Variants in MRPS16 observed in about 807,000 individuals in gnomAD.
The protein encoded by MRPS16 is mitochondrial ribosomal protein S16.
In MRPS16, 5 loss-of-function variants were observed where a neutral mutation model predicts 11.0. The ratio of observed to expected loss-of-function variants is 0.46; its 90% CI spans 0.24 to 0.96. The LOEUF (loss-of-function observed/expected upper bound fraction) is 0.96. MRPS16 is among the 40% of genes least tolerant of loss of function. The pLI is 0.20. For missense variants in MRPS16, 179 were observed against 174.4 expected, an observed-to-expected ratio of 1.03 and a Z score of -0.15; for synonymous variants, 76 against 65.0, an observed-to-expected ratio of 1.17 and a Z score of -0.81.
rs2044067562 is a variant in MRPS16 at position 73,250,145 on chromosome 10, A to C, written c.*707T>G. 6.6e-6 allele frequency: 1 copy of C among 152,260 alleles called. No individual in the cohort carries two copies. Among genetic ancestry groups the C allele is most frequent in the Non-Finnish European group, 1.5e-5 (1 of 68,330 alleles). The allele number at this position is 152,260 out of a possible 1,614,324, so 9.4% of individuals were successfully genotyped here. ...TGAAGCAGGAGAATGGCATGAACCCAGGAGACAGAGCTTGCAGTGAGCCGA... is the reference window on the plus strand; with the variant it reads ...TGAAGCAGGAGAATGGCATGAACCCCGGAGACAGAGCTTGCAGTGAGCCGA... On this transcript the variant is annotated 3_prime_UTR_variant, in exon 3 of 3. Transcript: ENST00000372945.
chr10:73,251,905 A>G lies in MRPS16; in HGVS notation c.132T>C (p.Asp44=), dbSNP rs767611689. Residue 44 remains aspartate, a synonymous_variant, in exon 2 of 3, where the codon GAT becomes GAC. Transcript: ENST00000372945. ...AGCCCAGCTGCTCTACGAAACGGCCATCCCTGGGACACTTGTTGTGAGCAG... is the reference window on the plus strand; with the variant it reads ...AGCCCAGCTGCTCTACGAAACGGCCGTCCCTGGGACACTTGTTGTGAGCAG... The part of the protein sequence containing the change: ...IVAAHNKCPR[D]GRFVEQLGSY... 5.0e-6 allele frequency: 8 copies of G among 1,614,214 alleles called. No individual in the cohort carries two copies. Among genetic ancestry groups the G allele is most frequent in the Non-Finnish European group, 5.9e-6 (7 of 1,180,042 alleles).
At chr10:73,252,049 AC>A in intron 1 of MRPS16, 26 bp from the exon 2 acceptor site, 1 of 1,606,922 alleles carries the variant, frequency 6.2e-7, no homozygotes, top group South Asian at 1.1e-5. Flanking sequence ...TGGTTAGGAC[AC>A]AAAAAACAGC....
In MRPS16 at chr10:73,250,491, A is replaced by C. The variant is rs2044074119; in HGVS notation, c.*361T>G. The C allele has an allele frequency of 3.3e-6, 1 of 307,576 alleles. No homozygotes were observed. The highest frequency in any genetic ancestry group is 6.2e-6 in the Non-Finnish European group (1 of 160,264). 19.1% of individuals were successfully genotyped at this position (307,576 alleles called of 1,614,324 possible). On this transcript the variant is annotated 3_prime_UTR_variant, in exon 3 of 3. Transcript: ENST00000372945. Reference sequence around the variant, plus strand: ...CTGTTCTTGCACTTGTGGGATGAACATGAAGATCTGAATGGGCCATGAATA... The same window carrying C: ...CTGTTCTTGCACTTGTGGGATGAACCTGAAGATCTGAATGGGCCATGAATA...
At chr10:73,252,245 C>G in intron 1 of MRPS16, 1 of 1,010,804 alleles carries the variant, frequency 9.9e-7, no homozygotes. Flanking sequence ...TTGCCATTCA[C>G]TAGGCTCTGT....
chr10:73,249,351 G>A lies in MRPS16; in HGVS notation c.*1501C>T, dbSNP rs1388381098. On this transcript the variant is annotated 3_prime_UTR_variant, in exon 3 of 3. Coordinates refer to ENST00000372945, the MANE Select transcript of MRPS16 (RefSeq NM_016065.4). ...TGGTTGTGAGTCAAATAAAAAAGTAGAACTAAAGTATACTGAAGTTATTCA... is the reference window on the plus strand; with the variant it reads ...TGGTTGTGAGTCAAATAAAAAAGTAAAACTAAAGTATACTGAAGTTATTCA... The A allele has an allele frequency of 1.3e-6, 2 of 1,537,628 alleles. No homozygotes were observed. The highest frequency in any genetic ancestry group is 2.0e-5 in the Admixed American group (1 of 50,712).
At chr10:73,252,310 T>A in intron 1 of MRPS16, 160 bp downstream of exon 1, 1 of 1,221,232 alleles carries the variant, frequency 8.2e-7, no homozygotes, top group Non-Finnish European at 1.2e-6. Flanking sequence ...CAGCGGTGAT[T>A]AAGTGGGGAA....
At chr10:73,251,532 C>T (rs1265818492) in intron 2 of MRPS16, among the ~76,000 whole-genome samples, 1 of 150,660 alleles carries the variant, frequency 6.6e-6, no homozygotes, top group African/African-American at 2.5e-5. Flanking sequence ...CGTGTCACCA[C>T]GCCCAACTAA....
chr10:73,249,335 G>A lies in MRPS16; in HGVS notation c.*1517C>T. ...ACTTGAGACCTAAGAATGGTTGTGA[G>A]TCAAATAAAAAAGTAGAACTAAAGT... On this transcript the variant is annotated 3_prime_UTR_variant, in exon 3 of 3. Transcript: ENST00000372945. 1.3e-6 allele frequency: 2 copies of A among 1,547,244 alleles called. No homozygotes were observed. The highest frequency in any genetic ancestry group is 1.4e-5 in the African/African-American group (1 of 71,844).
intron 1 of MRPS16, 163 bp downstream of exon 1, chr10:73,252,307 G>T: frequency 8.3e-7 from 1 of 1,206,006 alleles, no homozygotes; most frequent in Non-Finnish European, 1.2e-6. Flanking sequence ...TTTCAGCGGT[G>T]ATTAAGTGGG....
At position 73,251,881 on chromosome 10, in the gene MRPS16, G is replaced by T. The variant is rs762611647; in HGVS notation, c.156C>A (p.Gly52=). Residue 52 remains glycine, a synonymous_variant, in exon 2 of 3, where the codon GGC becomes GGA. Transcript: ENST00000372945. Reference sequence around the variant, plus strand: ...GACTGTTGGGCAATGGATCATAGGAGCCCAGCTGCTCTACGAAACGGCCAT... The same window carrying T: ...GACTGTTGGGCAATGGATCATAGGATCCCAGCTGCTCTACGAAACGGCCAT... ...PRDGRFVEQL[G]SYDPLPNSHG... is the part of the protein sequence containing the mutation. 1 of 1,614,198 alleles carries T rather than the reference G, an allele frequency of 6.2e-7. No homozygotes were observed. The highest frequency in any genetic ancestry group is 1.7e-5 in the Admixed American group (1 of 60,028).
In MRPS16 at chr10:73,252,570, A is replaced by T; in HGVS notation, c.-88T>A. On this transcript the variant is annotated 5_prime_UTR_variant, in exon 1 of 3. Transcript: ENST00000372945. ...TTGGCAGGGCAGAGAACAAACACAG[A>T]AAGAACCTGCAAGCCGACACCAGGC... 1 of 1,557,886 alleles carries T rather than the reference A, an allele frequency of 6.4e-7. No individual in the cohort carries two copies. Among genetic ancestry groups the T allele is most frequent in the Non-Finnish European group, 8.7e-7 (1 of 1,154,140 alleles).
Position 73,252,538 on chromosome 10 carries a change from T to G in MRPS16, c.-56A>C. On this transcript the variant is annotated 5_prime_UTR_variant, in exon 1 of 3. Coordinates refer to ENST00000372945, the MANE Select transcript of MRPS16 (RefSeq NM_016065.4). Reference sequence around the variant, plus strand: ...CCCCGCTACCCGCACGCACCAGCTCTACGGCCTTGGCAGGGCAGAGAACAA... The same window carrying G: ...CCCCGCTACCCGCACGCACCAGCTCGACGGCCTTGGCAGGGCAGAGAACAA... 1 of 1,599,198 alleles carries G rather than the reference T, an allele frequency of 6.3e-7. No individual in the cohort carries two copies. The highest frequency in any genetic ancestry group is 8.5e-7 in the Non-Finnish European group (1 of 1,177,762).
In MRPS16 at chr10:73,250,943, T is replaced by C; in HGVS notation, c.323A>G (p.Glu108Gly). 6.2e-7 allele frequency: 1 copy of C among 1,614,200 alleles called. No individual in the cohort carries two copies. The highest frequency in any genetic ancestry group is 1.1e-5 in the South Asian group (1 of 91,084). Reference sequence around the variant, plus strand: ...ACGTGCCCGTTTCCTTCGCAGTCTCTCAGCATTTGTGATCATCATAGGATG... The same window carrying C: ...ACGTGCCCGTTTCCTTCGCAGTCTCCCAGCATTTGTGATCATCATAGGATG... ...PLHPMMITNA[E>G]RLRRKRAREV... Residue 108 changes from glutamate to glycine, a missense_variant, in exon 3 of 3, where the codon GAG becomes GGG. Physicochemically the swap from Glu to Gly is moderately conservative, Grantham distance 98. Coordinates refer to ENST00000372945, the MANE Select transcript of MRPS16 (RefSeq NM_016065.4).
Position 73,252,041 on chromosome 10 carries a change from G to T in MRPS16, c.14-18C>A, listed in dbSNP as rs763133135. 1 of 1,609,660 alleles carries T rather than the reference G, an allele frequency of 6.2e-7. No homozygotes were observed. The highest frequency in any genetic ancestry group is 1.1e-5 in the South Asian group (1 of 90,538). ...GAGAGTAGCTGTAGAAAAGCAGCTG[G>T]TTAGGACACAAAAAACAGCACAAAA... On this transcript the variant is annotated intron_variant, in intron 1 of 2. Transcript: ENST00000372945.
intron 1 of MRPS16, 151 bp downstream of exon 1, chr10:73,252,318 GA>G: frequency 7.9e-7 from 1 of 1,267,346 alleles, no homozygotes; most frequent in Admixed American, 2.0e-5. Flanking sequence ...ATTAAGTGGG[GA>G]AAAAACTGAG....
Position 73,249,626 on chromosome 10 carries a change from C to G in MRPS16, c.*1226G>C, listed in dbSNP as rs1416787452. On this transcript the variant is annotated 3_prime_UTR_variant, in exon 3 of 3. Coordinates refer to ENST00000372945, the MANE Select transcript of MRPS16 (RefSeq NM_016065.4). ...CCTATTCCAGTATTCTCAGAAGGATCCCATCTATGATATATGCAGAAATCA... is the reference window on the plus strand; with the variant it reads ...CCTATTCCAGTATTCTCAGAAGGATGCCATCTATGATATATGCAGAAATCA... 5.8e-6 allele frequency: 2 copies of G among 345,866 alleles called. No individual in the cohort carries two copies. Among genetic ancestry groups the G allele is most frequent in the East Asian group, 1.2e-4 (2 of 16,924 alleles). 21.4% of individuals were successfully genotyped at this position (345,866 alleles called of 1,614,324 possible). A position where few individuals can be genotyped will look rare whatever the true frequency, so the allele number is the denominator to read the frequency against.
intron 1 of MRPS16, 158 bp from the exon 2 acceptor site, chr10:73,252,181 C>T: frequency 2.5e-6 from 3 of 1,211,140 alleles, no homozygotes; most frequent in East Asian, 5.1e-5. Context: ...CCCCTCTTGG[C>T]CAGTCCAGCC....
chr10:73,252,313 G>C (rs1241969042), intron 1 of MRPS16, 157 bp downstream of exon 1: 8 of 1,239,540 alleles, frequency 6.5e-6, no homozygotes, highest in Non-Finnish European at 2.3e-6. Flanking sequence ...CGGTGATTAA[G>C]TGGGGAAAAA....
chr10:73,251,525 G>C (rs2044096430), intron 2 of MRPS16, among the ~76,000 whole-genome samples: 1 of 151,804 alleles, frequency 6.6e-6, no homozygotes, highest in South Asian at 2.1e-4. Context: ...ACAGGTGCGT[G>C]TCACCACGCC....
Sources: allele counts gnomAD v4.1 joint callset (sites outside exome capture counted in the v4.1 genomes callset), GRCh38; gene constraint gnomAD v4.1.1; transcripts MANE v1.5; gene names NCBI Gene and HGNC (gene_info 2026-07-23, HGNC 2026-07-21).